The following PPARGC1B variants were observed in gnomAD, a reference collection of about 807,000 sequenced individuals.
PPARGC1B encodes PPARG coactivator 1 beta.
A neutral mutation model predicts 101.6 loss-of-function variants in PPARGC1B; 34 were observed. The ratio of observed to expected loss-of-function variants is 0.33; its 90% CI spans 0.25 to 0.45. The LOEUF (loss-of-function observed/expected upper bound fraction) is 0.45. Ranked by LOEUF, PPARGC1B falls within the 20% of genes least tolerant of loss-of-function variation. The pLI, the probability that PPARGC1B is intolerant of heterozygous loss-of-function variation, is 1.00. For synonymous variants in PPARGC1B, 548 were observed against 539.3 expected (o/e 1.02, Z -0.22); for missense variants, 1,234 against 1,317.6 (o/e 0.94, Z 0.98).
chr5:149,794,942 G>A (rs1404295443), intron 1 of PPARGC1B, among the ~76,000 whole-genome samples: 2 of 152,226 alleles, frequency 1.3e-5, no homozygotes, highest in Non-Finnish European at 2.9e-5. Flanking sequence ...CCCCACTGAT[G>A]TGTGCCCTTA....
At chr5:149,755,072 T>TATATATATATATATAA (rs1183883268) in intron 1 of PPARGC1B, among the ~76,000 whole-genome samples, 14 of 146,100 alleles carry the variant, frequency 9.6e-5, no homozygotes, top group African/African-American at 3.3e-4. Context: ...TATATATATA[T>TATATATATATATATAA]AATTTTTTTT....
intron 1 of PPARGC1B, among the ~76,000 whole-genome samples, chr5:149,733,096 G>C (rs1046297936): frequency 1.3e-5 from 2 of 152,282 alleles, no homozygotes; most frequent in Admixed American, 1.3e-4. Context: ...AACTTTCCCT[G>C]ACCCTCCCCT....
chr5:149,778,684 A>G (rs1756485242), intron 1 of PPARGC1B, among the ~76,000 whole-genome samples: 2 of 152,126 alleles, frequency 1.3e-5, no homozygotes, highest in East Asian at 1.9e-4. Context: ...CCCTCCTGCA[A>G]GTCACAGCCC....
In PPARGC1B at chr5:149,852,725, T is replaced by TA. The variant is rs397938493; in HGVS notation, c.*5170dup. 2.6e-5 allele frequency: 4 copies of TA among 151,610 alleles called. No individual in the cohort carries two copies. In the East Asian group the frequency reaches 7.7e-4, roughly 29 times the overall value. 9.4% of individuals were successfully genotyped at this position (151,610 alleles called of 1,614,324 possible). On this transcript the variant is annotated 3_prime_UTR_variant, in exon 12 of 12. Coordinates refer to ENST00000309241, the MANE Select transcript of PPARGC1B (RefSeq NM_133263.4). ...GCAATACACTTTTTTTTTTTTTTTTTAAAGAAAAACAGCTTAGGAGCTTTT... is the reference window on the plus strand; with the variant it reads ...GCAATACACTTTTTTTTTTTTTTTTTAAAAGAAAAACAGCTTAGGAGCTTTT...
chr5:149,837,026 C>T lies in PPARGC1B; in HGVS notation c.2571C>T (p.Gly857=). ...QLCSRSRSSS[G]SSPCHSWSPA... is the part of the protein sequence containing the mutation. The stretch of plus-strand genomic sequence containing the variant: ...GTTCCCGCAGCCGCTCAAGCTCTGG[C>T]TCTTCACCCTGCCACTCCTGGTCAC... Residue 857 remains glycine, a synonymous_variant, in exon 8 of 12, where the codon GGC becomes GGT. Coordinates refer to ENST00000309241, the MANE Select transcript of PPARGC1B (RefSeq NM_133263.4). This position sits in a 1 kb window ranked among gnomAD's most constrained non-coding sequence, Gnocchi z 4.2. 6.2e-7 allele frequency: 1 copy of T among 1,613,652 alleles called. No homozygotes were observed. Among genetic ancestry groups the T allele is most frequent in the African/African-American group, 1.3e-5 (1 of 75,056 alleles).
intron 1 of PPARGC1B, among the ~76,000 whole-genome samples, chr5:149,731,928 C>G (rs1309225400): frequency 6.6e-6 from 1 of 152,022 alleles, no homozygotes; most frequent in Admixed American, 6.5e-5. Context: ...CGCGGGGCCG[C>G]GTGGTCGGTG....
chr5:149,802,018 A>T (rs1757445670), intron 1 of PPARGC1B, among the ~76,000 whole-genome samples: 1 of 152,166 alleles, frequency 6.6e-6, no homozygotes, highest in South Asian at 2.1e-4. Context: ...AAGTTAAATC[A>T]TTTGGCCAAG....
chr5:149,846,170 G>T, intron 11 of PPARGC1B: 1 of 591,180 alleles, frequency 1.7e-6, no homozygotes, highest in Admixed American at 3.0e-5. Flanking sequence ...CCTCTAGGAA[G>T]ATTCAGTCAT....
intron 1 of PPARGC1B, among the ~76,000 whole-genome samples, chr5:149,733,894 G>T (rs1240080879): frequency 6.6e-6 from 1 of 152,098 alleles, no homozygotes; most frequent in Admixed American, 6.5e-5. Flanking sequence ...TTTAATTATA[G>T]AATTGTTAGA....
intron 1 of PPARGC1B, among the ~76,000 whole-genome samples, chr5:149,750,453 A>AATATATAT (rs55971526): frequency 0.014 from 1,701 of 122,852 alleles, 19 homozygotes; most frequent in Middle Eastern, 0.024. Context: ...TTTTAGTTAA[A>AATATATAT]ATATATATAT....
chr5:149,740,114 T>C (rs1754860242), intron 1 of PPARGC1B: 1 of 152,234 alleles, frequency 6.6e-6, no homozygotes, highest in Non-Finnish European at 1.5e-5. Context: ...TGATGACTGT[T>C]TGGTGTTTTA....
intron 1 of PPARGC1B, among the ~76,000 whole-genome samples, chr5:149,738,009 G>T (rs189688271): frequency 1.3e-5 from 2 of 152,108 alleles, no homozygotes; most frequent in Non-Finnish European, 2.9e-5. Context: ...AAAGATTGTT[G>T]TGAAGAGTCA....
At chr5:149,842,529 C>T (rs919372051) in intron 10 of PPARGC1B, 152 bp downstream of exon 10, 5 of 1,071,390 alleles carry the variant, frequency 4.7e-6, no homozygotes, top group Non-Finnish European at 6.8e-6. Context: ...TGAGAAGGAC[C>T]AGAAATGGTA....
intron 1 of PPARGC1B, among the ~76,000 whole-genome samples, chr5:149,800,025 C>A (rs191610904): frequency 5.3e-5 from 8 of 151,920 alleles, no homozygotes; most frequent in Admixed American, 2.6e-4. Flanking sequence ...GAATGAGTTG[C>A]AGCATGTATA....
intron 3 of PPARGC1B, 133 bp downstream of exon 3, chr5:149,827,018 C>T (rs986657275): frequency 4.6e-5 from 34 of 739,808 alleles, no homozygotes; most frequent in Admixed American, 3.9e-4. Flanking sequence ...TTGATCACAG[C>T]AGAGAGCGTG....
intron 1 of PPARGC1B, among the ~76,000 whole-genome samples, chr5:149,758,519 A>G (rs1267084241): frequency 2.6e-5 from 4 of 152,228 alleles, no homozygotes; most frequent in Non-Finnish European, 5.9e-5. Flanking sequence ...TGTTTGAGAC[A>G]TACCTCAGTG....
At chr5:149,814,024 G>C (rs757045545) in intron 1 of PPARGC1B, among the ~76,000 whole-genome samples, 1 of 152,130 alleles carries the variant, frequency 6.6e-6, no homozygotes, top group Non-Finnish European at 1.5e-5. Context: ...ATAAATTTGC[G>C]GGATCACAAA....
intron 1 of PPARGC1B, among the ~76,000 whole-genome samples, chr5:149,765,802 A>G (rs1755887532): frequency 6.8e-6 from 1 of 147,288 alleles, no homozygotes; most frequent in Non-Finnish European, 1.5e-5. Context: ...TGGAGCTTGC[A>G]GTGAGCTGAG....
At chr5:149,794,402 A>G (rs1757130366) in intron 1 of PPARGC1B, among the ~76,000 whole-genome samples, 2 of 152,096 alleles carry the variant, frequency 1.3e-5, no homozygotes, top group African/African-American at 4.8e-5. Flanking sequence ...CATGTAGGCA[A>G]GGGGGCTGGC....
Sources: gnomAD v4.1 joint callset for allele counts (sites outside exome capture counted in the v4.1 genomes callset) on GRCh38, gnomAD v4.1.1 for gene constraint, Gnocchi (gnomAD v3.1) non-coding constraint, MANE v1.5 for transcripts, NCBI Gene and HGNC (gene_info 2026-07-23, HGNC 2026-07-21) for gene names.